The following MICAL3 variants were observed in gnomAD, a reference collection of about 807,000 sequenced individuals.
The protein encoded by MICAL3 is microtubule associated monooxygenase, calponin and LIM domain containing 3, also known as [F-actin]-monooxygenase MICAL3.
Under a neutral mutation model 207.4 loss-of-function variants are expected in MICAL3, and 62 were observed. The observed-to-expected ratio is 0.30, with a 90% CI of 0.24 to 0.37. The LOEUF is 0.37. MICAL3 is among the 10% of genes least tolerant of loss of function. The pLI is 1.00. For synonymous variants in MICAL3, 1,077 were observed against 1,069.3 expected (o/e 1.01, Z -0.14); for missense variants, 2,368 against 2,635.6 (o/e 0.90, Z 2.22).
intron 1 of MICAL3, among the ~76,000 whole-genome samples, chr22:17,935,595 A>G (rs1259968735): frequency 6.6e-6 from 1 of 152,220 alleles, no homozygotes; most frequent in Admixed American, 6.5e-5. Context: ...TAATTAAACT[A>G]AAGAGCTTCT....
chr22:17,866,028 G>A lies in MICAL3; in HGVS notation c.2429-16C>T, dbSNP rs369318833. 3.8e-6 allele frequency: 6 copies of A among 1,593,354 alleles called. No individual in the cohort carries two copies. The highest frequency in any genetic ancestry group is 2.2e-5 in the South Asian group (2 of 90,636). ...TAGAATTTACCTGCAGACAGCAAGA[G>A]GCAGGGACAGAGGCGATGAGCCAGG... On this transcript the variant is annotated splice_polypyrimidine_tract_variant and intron_variant, in intron 17 of 31. Coordinates refer to ENST00000441493, the MANE Select transcript of MICAL3 (RefSeq NM_015241.3).
intron 1 of MICAL3, among the ~76,000 whole-genome samples, chr22:18,016,138 C>T (rs1474991736): frequency 6.6e-6 from 1 of 152,060 alleles, no homozygotes; most frequent in Non-Finnish European, 1.5e-5. Context: ...TATAATGCAA[C>T]CCACAATAAA....
At position 17,827,520 on chromosome 22, in the gene MICAL3, C is replaced by T. The variant is rs3747027; in HGVS notation, c.3193+124G>A. Reference sequence around the variant, plus strand: ...CAACTGACAGCAGCAAAGCGGGATGCGCCTGGCTCCCGTGTGTGACCTCAT... The same window carrying T: ...CAACTGACAGCAGCAAAGCGGGATGTGCCTGGCTCCCGTGTGTGACCTCAT... On this transcript the variant is annotated intron_variant, in intron 22 of 31. Coordinates refer to ENST00000441493, the MANE Select transcript of MICAL3 (RefSeq NM_015241.3). 8.5e-5 allele frequency: 87 copies of T among 1,017,624 alleles called. No individual in the cohort carries two copies. The East Asian group carries it at 1.3e-3, about 15-fold the overall frequency. 63.0% of individuals were successfully genotyped at this position (1,017,624 alleles called of 1,614,324 possible). A position where few individuals can be genotyped will look rare whatever the true frequency, so the allele number is the denominator to read the frequency against.
At chr22:17,792,585 C>T (rs564207089) in intron 29 of MICAL3, among the ~76,000 whole-genome samples, 108 of 152,362 alleles carry the variant, frequency 7.1e-4, no homozygotes, top group African/African-American at 2.5e-3. Flanking sequence ...CTTTCTGGCA[C>T]ACGGTACACA....
intron 1 of MICAL3, among the ~76,000 whole-genome samples, chr22:17,981,908 G>A (rs1432605024): frequency 6.6e-6 from 1 of 152,136 alleles, no homozygotes; most frequent in Non-Finnish European, 1.5e-5. Flanking sequence ...TTGGAGACCA[G>A]CCTTGGTAAC....
intron 1 of MICAL3, among the ~76,000 whole-genome samples, chr22:17,915,174 T>C (rs1172254269): frequency 6.6e-6 from 1 of 152,254 alleles, no homozygotes; most frequent in East Asian, 1.9e-4. Context: ...TCAGTGCAGT[T>C]ACTTTTGCCG....
intron 25 of MICAL3, among the ~76,000 whole-genome samples, chr22:17,820,388 T>TA (rs1921441310): frequency 6.6e-6 from 1 of 152,228 alleles, no homozygotes; most frequent in African/African-American, 2.4e-5. Context: ...GGAGTCTCGC[T>TA]CTGTCGCCCA....
chr22:17,881,182 A>C, intron 16 of MICAL3: 1 of 1,590,260 alleles, frequency 6.3e-7, no homozygotes, highest in Non-Finnish European at 8.6e-7. Flanking sequence ...AGACAGGAAC[A>C]TGGAGCATGC....
intron 29 of MICAL3, among the ~76,000 whole-genome samples, chr22:17,807,068 T>C (rs1458249824): frequency 2.6e-5 from 4 of 152,238 alleles, no homozygotes; most frequent in Admixed American, 2.0e-4. Context: ...GTCTTCTTCC[T>C]GAAGGGCTTA....
At chr22:17,984,982 C>A (rs1307273186) in intron 1 of MICAL3, among the ~76,000 whole-genome samples, 1 of 151,948 alleles carries the variant, frequency 6.6e-6, no homozygotes, top group East Asian at 1.9e-4. Flanking sequence ...GGTGAGTGCC[C>A]CGGAAAAATG....
rs527703038 is a variant in MICAL3 at position 17,904,310 on chromosome 22, T to C, written c.472+322A>G. On this transcript the variant is annotated intron_variant, in intron 3 of 31. Coordinates refer to ENST00000441493, the MANE Select transcript of MICAL3 (RefSeq NM_015241.3). ...GGGTCTGGGCCCAAACTGGTCATCG[T>C]TTCCCCAGTGCCTGCCCCAGTGCCC... Among the ~76,000 whole-genome samples, 17 of 152,304 alleles carry C rather than the reference T, an allele frequency of 1.1e-4. No individual in the cohort carries two copies. The East Asian group carries it at 2.1e-3, about 19-fold the overall frequency.
intron 22 of MICAL3, 121 bp from the exon 23 acceptor site, chr22:17,823,181 G>A: frequency 2.9e-6 from 2 of 694,622 alleles, no homozygotes. Flanking sequence ...CCAGGAGAGG[G>A]GAGATGCTGC....
chr22:17,957,742 ACG>A (rs1569146786), intron 1 of MICAL3, among the ~76,000 whole-genome samples: 1 of 133,352 alleles, frequency 7.5e-6, no homozygotes, highest in Non-Finnish European at 1.6e-5. Flanking sequence ...GAGAAAGAAA[ACG>A]AGAGAGAGAG....
At chr22:17,870,414 G>T (rs1455555199) in intron 17 of MICAL3, among the ~76,000 whole-genome samples, 10 of 152,164 alleles carry the variant, frequency 6.6e-5, no homozygotes, top group African/African-American at 2.2e-4. Flanking sequence ...CGTGTCGCCT[G>T]CTACTCTTCA....
At chr22:18,010,279 C>G (rs1923636532) in intron 1 of MICAL3, among the ~76,000 whole-genome samples, 1 of 150,972 alleles carries the variant, frequency 6.6e-6, no homozygotes, top group Non-Finnish European at 1.5e-5. Context: ...TCTCTTCGCT[C>G]CCATTTGAGA....
At chr22:17,888,180 G>A (rs149165095) in intron 13 of MICAL3, among the ~76,000 whole-genome samples, 63 of 152,094 alleles carry the variant, frequency 4.1e-4, no homozygotes, top group African/African-American at 1.4e-3. Flanking sequence ...TTTTACACCC[G>A]TTACCCCATT....
In MICAL3 at chr22:17,887,218, C is replaced by A; in HGVS notation, c.2019G>T (p.Lys673Asn). ...TCCTCTTCCCAGCACCATCCAAGTC[C>A]TTTTCCTTTTTATCCTGTACCAAGG... ...RKRSPKDKKE[K>N]DLDGAGKRRK... The change falls in exon 15 of 32, where the codon AAG becomes AAT. Residue 673 changes from lysine (K) to asparagine (N), a missense_variant. Coordinates refer to ENST00000441493, the MANE Select transcript of MICAL3 (RefSeq NM_015241.3). The A allele has an allele frequency of 6.2e-7, 1 of 1,613,642 alleles. No individual in the cohort carries two copies. The highest frequency in any genetic ancestry group is 8.5e-7 in the Non-Finnish European group (1 of 1,179,746).
chr22:17,827,868 A>G, intron 21 of MICAL3, 87 bp from the exon 22 acceptor site: 9 of 1,408,984 alleles, frequency 6.4e-6, no homozygotes, highest in Non-Finnish European at 8.6e-6. Flanking sequence ...AAGAGAAGTT[A>G]CAGCATTGGC....
chr22:17,824,406 G>A (rs1170826211), intron 22 of MICAL3, among the ~76,000 whole-genome samples: 1 of 152,254 alleles, frequency 6.6e-6, no homozygotes, highest in Non-Finnish European at 1.5e-5. Flanking sequence ...GGAGGGCGCA[G>A]CCTCGGAAGT....
Sources: gnomAD v4.1 joint callset for allele counts (sites outside exome capture counted in the v4.1 genomes callset) on GRCh38, gnomAD v4.1.1 for gene constraint, MANE v1.5 for transcripts, NCBI Gene and HGNC (gene_info 2026-07-23, HGNC 2026-07-21) for gene names.